The following GRM7 variants were observed in gnomAD, a reference collection of about 807,000 sequenced individuals.
The protein encoded by GRM7 is glutamate metabotropic receptor 7, also known as metabotropic glutamate receptor 7.
A neutral mutation model predicts 84.5 loss-of-function variants in GRM7; 35 were observed. The observed-to-expected ratio is 0.41, with a 90% CI of 0.32 to 0.55. GRM7 has a LOEUF of 0.55. GRM7 is among the 20% of genes least tolerant of loss of function. The probability of loss-of-function intolerance (pLI) is 0.19; values close to 1 mark genes in which losing one functional copy is unlikely to be tolerated. For synonymous variants in GRM7, 487 were observed against 455.1 expected, an observed-to-expected ratio of 1.07 and a Z score of -0.89; for missense variants, 1,003 against 1,194.6, an observed-to-expected ratio of 0.84 and a Z score of 2.36.
Position 7,633,210 on chromosome 3 carries a change from T to C in GRM7, c.2452-46839T>C, listed in dbSNP as rs557917533. ...GTGCTGCCAAGCATTACTGAAGACA[T>C]TTTGCTAATAATGGTAGACACTCTT... On this transcript the variant is annotated intron_variant, in intron 8 of 9. Transcript: ENST00000357716. 2.6e-5 allele frequency among the ~76,000 whole-genome samples: 4 copies of C among 152,364 alleles called. No homozygotes were observed. In the East Asian group the frequency reaches 7.7e-4, roughly 29 times the overall value.
Position 7,575,141 on chromosome 3 carries a change from A to G in GRM7, c.1516-3281A>G, listed in dbSNP as rs143705919. Among the ~76,000 whole-genome samples, 28 of 152,240 alleles carry G rather than the reference A, an allele frequency of 1.8e-4. No individual in the cohort carries two copies. In the East Asian group the frequency reaches 4.8e-3, roughly 26 times the overall value. ...GCCATGTAGAGTGTCAGTTTTTGCTATGAGATGGAGATGTAAAGTTCTGTT... is the reference window on the plus strand; with the variant it reads ...GCCATGTAGAGTGTCAGTTTTTGCTGTGAGATGGAGATGTAAAGTTCTGTT... On this transcript the variant is annotated intron_variant, in intron 7 of 9. Transcript: ENST00000357716.
intron 4 of GRM7, among the ~76,000 whole-genome samples, chr3:7,400,355 C>A (rs1479831234): frequency 6.6e-6 from 1 of 152,186 alleles, no homozygotes; most frequent in Non-Finnish European, 1.5e-5. Flanking sequence ...TCAAATGCAG[C>A]TATTATCACA....
chr3:7,702,413 C>T (rs974105688), intron 9 of GRM7, among the ~76,000 whole-genome samples: 3 of 152,316 alleles, frequency 2.0e-5, no homozygotes, highest in South Asian at 4.1e-4. Flanking sequence ...TATGTACAAC[C>T]TTTGCCATGC....
chr3:7,221,677 A>G (rs1292317803), intron 2 of GRM7, among the ~76,000 whole-genome samples: 1 of 147,040 alleles, frequency 6.8e-6, no homozygotes, highest in African/African-American at 2.5e-5. Context: ...AAATCTAGCT[A>G]TTTCCTTCTG....
At chr3:7,356,992 CAT>C (rs1211947363) in intron 4 of GRM7, among the ~76,000 whole-genome samples, 3 of 148,202 alleles carry the variant, frequency 2.0e-5, no homozygotes, top group South Asian at 2.1e-4. Flanking sequence ...TCAAATGTGA[CAT>C]ATTTTATATA....
At chr3:7,495,621 A>T (rs1699673892) in intron 7 of GRM7, among the ~76,000 whole-genome samples, 3 of 152,164 alleles carry the variant, frequency 2.0e-5, no homozygotes. Context: ...AAGGAAAAAA[A>T]GTCCCTCTCC....
At chr3:7,315,976 G>A (rs531701861) in intron 4 of GRM7, among the ~76,000 whole-genome samples, 92 of 152,216 alleles carry the variant, frequency 6.0e-4, no homozygotes, top group Non-Finnish European at 1.2e-3. Flanking sequence ...GTGGTCAGGG[G>A]TGTTGCAATT....
At chr3:7,363,152 A>G (rs11707098) in intron 4 of GRM7, among the ~76,000 whole-genome samples, 62,650 of 151,168 alleles carry the variant, frequency 0.41, 13,112 homozygotes, top group East Asian at 0.57. Context: ...ATAAATGATA[A>G]ATAATTTTGA....
At chr3:7,734,274 G>C (rs1488868902) in intron 9 of GRM7, among the ~76,000 whole-genome samples, 1 of 151,518 alleles carries the variant, frequency 6.6e-6, no homozygotes, top group African/African-American at 2.4e-5. Flanking sequence ...CTCAATGTGA[G>C]TTTAGTTTAT....
chr3:7,183,390 G>A (rs969837437), intron 2 of GRM7, among the ~76,000 whole-genome samples: 4 of 152,188 alleles, frequency 2.6e-5, no homozygotes, highest in African/African-American at 9.7e-5. Context: ...ACTTTGGGAG[G>A]CTGAGGCGGG....
chr3:6,948,774 T>C (rs1032128314), intron 1 of GRM7, among the ~76,000 whole-genome samples: 3 of 152,224 alleles, frequency 2.0e-5, no homozygotes, highest in African/African-American at 7.2e-5. Context: ...GATAGTTAGT[T>C]CTTCTTGTTG....
chr3:7,542,592 G>A (rs530119188), intron 7 of GRM7, among the ~76,000 whole-genome samples: 2 of 144,928 alleles, frequency 1.4e-5, no homozygotes, highest in African/African-American at 5.2e-5. Context: ...TCTGTCGCCA[G>A]ACTGGAGTGC....
At chr3:6,984,463 T>C (rs971029085) in intron 1 of GRM7, among the ~76,000 whole-genome samples, 5 of 152,220 alleles carry the variant, frequency 3.3e-5, no homozygotes, top group African/African-American at 1.2e-4. Context: ...ATTCCATCAA[T>C]GGTTACTGGA....
At chr3:7,290,815 C>T (rs1396521647) in intron 2 of GRM7, among the ~76,000 whole-genome samples, 1 of 152,124 alleles carries the variant, frequency 6.6e-6, no homozygotes, top group East Asian at 1.9e-4. Flanking sequence ...TTCCTACCTT[C>T]TTTCTTTCCT....
In GRM7 at chr3:7,690,504, A is replaced by G. The variant is rs143411238; in HGVS notation, c.2698+10209A>G. Among the ~76,000 whole-genome samples, 550 of 152,332 alleles carry G rather than the reference A, an allele frequency of 3.6e-3. 1 individual carries two copies. Among genetic ancestry groups the G allele is most frequent in the Middle Eastern group, 0.014 (4 of 294 alleles). On this transcript the variant is annotated intron_variant, in intron 9 of 9. Transcript: ENST00000357716. Reference sequence around the variant, plus strand: ...TCACAAAGCCCACCCTAAAAATACAATGTATAAACGTGATGTCACAGGTTT... The same window carrying G: ...TCACAAAGCCCACCCTAAAAATACAGTGTATAAACGTGATGTCACAGGTTT...
At chr3:7,028,693 T>C (rs1377670482) in intron 1 of GRM7, among the ~76,000 whole-genome samples, 1 of 152,164 alleles carries the variant, frequency 6.6e-6, no homozygotes, top group Non-Finnish European at 1.5e-5. Context: ...AATAAATGCA[T>C]GAAAAGATGA....
Position 7,331,892 on chromosome 3 carries a change from C to T in GRM7, c.1033+25240C>T, listed in dbSNP as rs146223290. ...TTTTAAAGGTTCCCATGCAGTTTGA[C>T]ACTGAGAAGTAGCAAAACCTGAAGT... is the stretch of plus-strand genomic sequence containing the variant. On this transcript the variant is annotated intron_variant, in intron 4 of 9. Coordinates refer to ENST00000357716, the MANE Select transcript of GRM7 (RefSeq NM_000844.4). 7.1e-3 allele frequency among the ~76,000 whole-genome samples: 1,080 copies of T among 152,174 alleles called. 19 individuals carry two copies. Among genetic ancestry groups the T allele is most frequent in the African/African-American group, 0.025 (1,048 of 41,504 alleles).
chr3:7,516,673 A>C (rs1173918446), intron 7 of GRM7, among the ~76,000 whole-genome samples: 1 of 152,006 alleles, frequency 6.6e-6, no homozygotes, highest in Non-Finnish European at 1.5e-5. Flanking sequence ...GGAGCATTGA[A>C]TGGCATCAAG....
At chr3:7,136,190 T>C (rs1052242758) in intron 1 of GRM7, among the ~76,000 whole-genome samples, 1 of 152,054 alleles carries the variant, frequency 6.6e-6, no homozygotes, top group Admixed American at 6.6e-5. Flanking sequence ...ATTCATTTTT[T>C]TTTTCTATTT....
Sources: allele counts gnomAD v4.1 joint callset (sites outside exome capture counted in the v4.1 genomes callset), GRCh38; gene constraint gnomAD v4.1.1; transcripts MANE v1.5; gene names NCBI Gene and HGNC (gene_info 2026-07-23, HGNC 2026-07-21).